Variants in ACSM3 observed in about 807,000 individuals in gnomAD.
ACSM3 encodes acyl-coenzyme A synthetase ACSM3, mitochondrial.
A neutral mutation model predicts 74.1 loss-of-function variants in ACSM3; 61 were observed. The observed-to-expected ratio is 0.82, with a 90% confidence interval of 0.67 to 1.02. The LOEUF (loss-of-function observed/expected upper bound fraction) is 1.02, where lower values mean the gene tolerates loss of function less well. Among genes scored for constraint, ACSM3 ranks in the 50% least tolerant of loss-of-function variants. The pLI is 0.00. For synonymous variants in ACSM3, 213 were observed against 241.5 expected, an observed-to-expected ratio of 0.88 and a Z score of 1.09; for missense variants, 660 against 697.0, an observed-to-expected ratio of 0.95 and a Z score of 0.60.
intron 1 of ACSM3, among the ~76,000 whole-genome samples, chr16:20,739,704 C>T (rs1238999086): frequency 6.6e-6 from 1 of 151,746 alleles, no homozygotes; most frequent in Admixed American, 6.6e-5. Context: ...GCCTGTAATC[C>T]CAGCTACTCA....
intron 1 of ACSM3, among the ~76,000 whole-genome samples, chr16:20,717,963 GAAGAAGAAGAAGAAGAAGAA>G (rs1567323225): frequency 0.01 from 960 of 93,656 alleles, 13 homozygotes; most frequent in South Asian, 0.023. Context: ...AGAGGAAGAA[GAAGAAGAAGAAGAAGAAGAA>G]GAAGAAGAAG....
intron 1 of ACSM3, among the ~76,000 whole-genome samples, chr16:20,714,876 A>G (rs1378731874): frequency 1.1e-4 from 16 of 152,244 alleles, no homozygotes; most frequent in Non-Finnish European, 1.5e-5. Context: ...CTGGAAAGAC[A>G]TAACTCAGAA....
chr16:20,780,631 T>C, intron 4 of ACSM3, 83 bp from the exon 5 acceptor site: 1 of 1,613,394 alleles, frequency 6.2e-7, no homozygotes, highest in South Asian at 1.1e-5. Flanking sequence ...GAGGTTCAAG[T>C]GGAGAGCTTC....
chr16:20,679,270 A>G (rs774754262), intron 1 of ACSM3: 1 of 152,322 alleles, frequency 6.6e-6, no homozygotes, highest in Non-Finnish European at 1.5e-5. Context: ...CCACCCGAAT[A>G]GACCTACGGC....
chr16:20,731,683 C>A, intron 1 of ACSM3: 1 of 408,338 alleles, frequency 2.4e-6, no homozygotes, highest in South Asian at 4.5e-5. Context: ...GAAATTAACT[C>A]TTGAGCTTCA....
At chr16:20,721,126 G>C (rs2079783655) in intron 1 of ACSM3, 1 of 152,258 alleles carries the variant, frequency 6.6e-6, no homozygotes, top group Non-Finnish European at 1.5e-5. Context: ...GTAGAAGCCT[G>C]TGAGGAAAGG....
At chr16:20,706,163 C>G (rs1031662947) in intron 1 of ACSM3, among the ~76,000 whole-genome samples, 9 of 150,910 alleles carry the variant, frequency 6.0e-5, no homozygotes, top group African/African-American at 2.2e-4. Context: ...GAAATAATGA[C>G]CAAAAGTTTT....
At chr16:20,699,802 G>A (rs1321480059) in intron 1 of ACSM3, among the ~76,000 whole-genome samples, 1 of 152,126 alleles carries the variant, frequency 6.6e-6, no homozygotes, top group Non-Finnish European at 1.5e-5. Context: ...CTGTGACATT[G>A]AGCAGATTTC....
chr16:20,797,555 A>G lies in ACSM3; in HGVS notation c.*583A>G. ...TATACTATTGTTGCTTATTATATGT[A>G]ATCTAATAAATACTGTTTACAAAAG... On this transcript the variant is annotated 3_prime_UTR_variant, in exon 14 of 14. Transcript: ENST00000289416. 8.1e-7 allele frequency: 1 copy of G among 1,239,798 alleles called. No individual in the cohort carries two copies. Among genetic ancestry groups the G allele is most frequent in the Non-Finnish European group, 1.0e-6 (1 of 989,272 alleles). 76.8% of individuals were successfully genotyped at this position (1,239,798 alleles called of 1,614,324 possible).
intron 1 of ACSM3, among the ~76,000 whole-genome samples, chr16:20,720,390 A>T (rs1386609190): frequency 6.6e-6 from 1 of 152,240 alleles, no homozygotes; most frequent in Admixed American, 6.5e-5. Context: ...GATCTCTCGC[A>T]TGTACAGTTC....
At chr16:20,677,360 G>T (rs987841395) in intron 1 of ACSM3, among the ~76,000 whole-genome samples, 55 of 152,276 alleles carry the variant, frequency 3.6e-4, no homozygotes, top group African/African-American at 1.2e-3. Flanking sequence ...TAAGGTCATG[G>T]CATCACCCAG....
chr16:20,790,471 T>A lies in ACSM3; in HGVS notation c.1225-116T>A. The A allele has an allele frequency of 1.0e-6, 1 of 999,756 alleles. No individual in the cohort carries two copies. Among genetic ancestry groups the A allele is most frequent in the Non-Finnish European group, 1.5e-6 (1 of 673,750 alleles). The allele number at this position is 999,756 out of a possible 1,614,324, so 61.9% of individuals were successfully genotyped here. Reference sequence around the variant, plus strand: ...GACCTTGTCTCACACACACAAAATTTTTTTTAAGTCTTCATTTTTAAATGG... The same window carrying A: ...GACCTTGTCTCACACACACAAAATTATTTTTAAGTCTTCATTTTTAAATGG... On this transcript the variant is annotated intron_variant, in intron 9 of 13. Coordinates refer to ENST00000289416, the MANE Select transcript of ACSM3 (RefSeq NM_005622.4). This position sits in a 1 kb window ranked among gnomAD's most constrained non-coding sequence, Gnocchi z 4.0.
At position 20,764,108 on chromosome 16, in the gene ACSM3, G is replaced by A. The variant is rs986384675; in HGVS notation, c.-69G>A. 6 of 152,194 alleles carry A rather than the reference G, an allele frequency of 3.9e-5. No homozygotes were observed. Among genetic ancestry groups the A allele is most frequent in the African/African-American group, 1.4e-4 (6 of 41,442 alleles). 9.4% of individuals were successfully genotyped at this position (152,194 alleles called of 1,614,324 possible). On this transcript the variant is annotated 5_prime_UTR_variant, in exon 1 of 14. Transcript: ENST00000289416. The stretch of plus-strand genomic sequence containing the variant: ...CAAGTCTGCCATAATCTCCATCTGT[G>A]TTGGAATCTGTTAACTAGTGAGTAC...
intron 1 of ACSM3, among the ~76,000 whole-genome samples, chr16:20,714,300 G>A (rs1417051311): frequency 6.6e-6 from 1 of 151,142 alleles, no homozygotes; most frequent in African/African-American, 2.5e-5. Flanking sequence ...AGTGAAGGCT[G>A]TAAGAGCAAA....
At chr16:20,796,038 CA>C (rs1436488195) in intron 12 of ACSM3, 1 of 190,366 alleles carries the variant, frequency 5.3e-6, no homozygotes, top group Non-Finnish European at 1.1e-5. Context: ...CTGGAATCTT[CA>C]CAGCCTTGTA....
At chr16:20,678,972 C>CT (rs2079376894) in intron 1 of ACSM3, among the ~76,000 whole-genome samples, 2 of 152,202 alleles carry the variant, frequency 1.3e-5, no homozygotes, top group South Asian at 4.1e-4. Context: ...CAAATGCAGA[C>CT]TTTAAGTATG....
intron 12 of ACSM3, chr16:20,796,156 G>T: frequency 1.5e-6 from 1 of 673,988 alleles, no homozygotes; most frequent in South Asian, 2.5e-5. Context: ...TAGGCTGGAT[G>T]AGGCTGGGTT....
intron 1 of ACSM3, among the ~76,000 whole-genome samples, chr16:20,716,572 C>A (rs1269035446): frequency 6.6e-6 from 1 of 152,164 alleles, no homozygotes; most frequent in Non-Finnish European, 1.5e-5. Context: ...AGCAGCAGAG[C>A]ATATTCTATA....
At position 20,770,260 on chromosome 16, in the gene ACSM3, G is replaced by C. The variant is rs1278696298; in HGVS notation, c.219+7G>C. 2 of 1,611,354 alleles carry C rather than the reference G, an allele frequency of 1.2e-6. No homozygotes were observed. The highest frequency in any genetic ancestry group is 1.1e-5 in the South Asian group (1 of 91,006). The stretch of plus-strand genomic sequence containing the variant: ...ATGGACTGATAAGGAAAAGGTATGG[G>C]GGGAGGGCCAGTCAGACCACAATTT... On this transcript the variant is annotated splice_region_variant and intron_variant, in intron 2 of 13. Coordinates refer to ENST00000289416, the MANE Select transcript of ACSM3 (RefSeq NM_005622.4).
Sources: allele counts gnomAD v4.1 joint callset (sites outside exome capture counted in the v4.1 genomes callset), GRCh38; gene constraint gnomAD v4.1.1; non-coding constraint Gnocchi (gnomAD v3.1); transcripts MANE v1.5; gene names NCBI Gene and HGNC (gene_info 2026-07-23, HGNC 2026-07-21).